NFATC3: variants seen among roughly 807,000 people sequenced by gnomAD.
NFATC3 encodes the protein nuclear factor of activated T-cells, cytoplasmic 3.
Under a neutral mutation model 98.6 loss-of-function variants are expected in NFATC3, and 46 were observed. The observed-to-expected ratio is 0.47, with a 90% CI of 0.37 to 0.60. NFATC3 has a LOEUF of 0.60. Ranked by LOEUF, NFATC3 falls within the 20% of genes least tolerant of loss-of-function variation. The pLI, the probability that NFATC3 is intolerant of heterozygous loss-of-function variation, is 0.00. For missense variants in NFATC3, 1,256 were observed against 1,295.5 expected (o/e 0.97, Z 0.47); for synonymous variants, 512 against 472.2 (o/e 1.08, Z -1.09).
At chr16:68,148,034 G>A (rs541031004) in intron 3 of NFATC3, among the ~76,000 whole-genome samples, 1 of 152,076 alleles carries the variant, frequency 6.6e-6, no homozygotes, top group Non-Finnish European at 1.5e-5. Flanking sequence ...TTTAGAGATG[G>A]AGTTTTGCTC....
chr16:68,137,328 A>G (rs2037476632), intron 3 of NFATC3, among the ~76,000 whole-genome samples: 1 of 152,132 alleles, frequency 6.6e-6, no homozygotes, highest in Non-Finnish European at 1.5e-5. Flanking sequence ...CACACACATT[A>G]GCCCAGGCCT....
chr16:68,121,242 CTTTTTTTTTTTTTT>C (rs753615194), intron 1 of NFATC3, among the ~76,000 whole-genome samples: 1 of 102,392 alleles, frequency 9.8e-6, no homozygotes, highest in African/African-American at 3.9e-5. Context: ...CTTTTCTTTT[CTTTTTTTTTTTTTT>C]TTTTTTTTGA....
At chr16:68,202,879 G>C (rs1291606945) in intron 9 of NFATC3, among the ~76,000 whole-genome samples, 1 of 152,096 alleles carries the variant, frequency 6.6e-6, no homozygotes, top group East Asian at 1.9e-4. Context: ...TACACAGCCA[G>C]TGGTGAGAAT....
intron 8 of NFATC3, among the ~76,000 whole-genome samples, chr16:68,186,241 A>G (rs969600428): frequency 1.3e-5 from 2 of 152,062 alleles, no homozygotes; most frequent in Non-Finnish European, 1.5e-5. Context: ...GACAGGTGGA[A>G]AGACTATATT....
chr16:68,172,234 G>T (rs1357645447), intron 5 of NFATC3, among the ~76,000 whole-genome samples: 1 of 152,170 alleles, frequency 6.6e-6, no homozygotes, highest in Non-Finnish European at 1.5e-5. Flanking sequence ...AAGTACTTGA[G>T]AGCTGTTGTG....
intron 9 of NFATC3, among the ~76,000 whole-genome samples, chr16:68,220,153 T>C (rs1423934803): frequency 1.3e-5 from 2 of 152,224 alleles, no homozygotes; most frequent in Non-Finnish European, 2.9e-5. Flanking sequence ...TCCTGTGACC[T>C]ACATAACCTG....
intron 9 of NFATC3, among the ~76,000 whole-genome samples, chr16:68,211,520 T>C (rs2041393975): frequency 6.7e-6 from 1 of 150,070 alleles, no homozygotes; most frequent in African/African-American, 2.5e-5. Context: ...TTTGTTGTTG[T>C]TGTTGTTGTT....
At chr16:68,138,104 C>G in intron 3 of NFATC3, among the ~76,000 whole-genome samples, 1 of 152,002 alleles carries the variant, frequency 6.6e-6, no homozygotes. Context: ...GCCCACATCT[C>G]AGTTCACTGC....
At chr16:68,169,898 G>A (rs1040452309) in intron 5 of NFATC3, among the ~76,000 whole-genome samples, 1 of 151,806 alleles carries the variant, frequency 6.6e-6, no homozygotes, top group Non-Finnish European at 1.5e-5. Context: ...CTGAGATCAC[G>A]CCATTGCACT....
intron 1 of NFATC3, among the ~76,000 whole-genome samples, chr16:68,088,342 CAT>C (rs1332371824): frequency 2.7e-5 from 4 of 145,974 alleles, no homozygotes; most frequent in Admixed American, 2.1e-4. Flanking sequence ...TAATATATAA[CAT>C]ATATTATATA....
intron 1 of NFATC3, among the ~76,000 whole-genome samples, chr16:68,103,842 C>G (rs918433916): frequency 2.0e-5 from 3 of 152,182 alleles, no homozygotes; most frequent in African/African-American, 7.2e-5. Context: ...TGTAAAAAAT[C>G]AATTGGCCAT....
At chr16:68,162,653 T>A (rs1373700637) in intron 4 of NFATC3, among the ~76,000 whole-genome samples, 1 of 151,990 alleles carries the variant, frequency 6.6e-6, no homozygotes, top group Non-Finnish European at 1.5e-5. Context: ...GGGCAACACT[T>A]CATTCCATAA....
At chr16:68,088,918 T>G (rs2034553291) in intron 1 of NFATC3, 2 of 959,576 alleles carry the variant, frequency 2.1e-6, no homozygotes, top group African/African-American at 3.5e-5. Flanking sequence ...CTGTTCTGGC[T>G]TCCCAAAATG....
chr16:68,209,838 A>AACACACACACAGACAC (rs565991702), intron 9 of NFATC3: 2 of 361,952 alleles, frequency 5.5e-6, no homozygotes, highest in African/African-American at 4.3e-5. Context: ...CCTGCCCCCC[A>AACACACACACAGACAC]ACACACACAC....
intron 3 of NFATC3, among the ~76,000 whole-genome samples, chr16:68,154,638 C>T (rs778763264): frequency 7.2e-5 from 11 of 152,136 alleles, no homozygotes; most frequent in Admixed American, 2.0e-4. Flanking sequence ...CTGACCTTTA[C>T]GTATCTGAAT....
chr16:68,085,762 G>GC lies in NFATC3; in HGVS notation c.86dup (p.Ser31LeufsTer7). On this transcript the variant is annotated frameshift_variant, in exon 1 of 10. Coordinates refer to ENST00000346183, the MANE Select transcript of NFATC3 (RefSeq NM_173165.3). LOFTEE classifies it high-confidence loss of function. The stretch of plus-strand genomic sequence containing the variant: ...GCGAGGACGGGGCGCCGGCGCCGCC[G>GC]CCCCCGGGCTCGCGGCCTGCAGGTG... 1.3e-6 allele frequency: 2 copies of GC among 1,498,052 alleles called. No homozygotes were observed. Among genetic ancestry groups the GC allele is most frequent in the East Asian group, 2.8e-5 (1 of 35,790 alleles). 92.8% of individuals were successfully genotyped at this position (1,498,052 alleles called of 1,614,324 possible). A position where few individuals can be genotyped will look rare whatever the true frequency, so the allele number is the denominator to read the frequency against.
intron 4 of NFATC3, among the ~76,000 whole-genome samples, chr16:68,160,141 T>C (rs2038824006): frequency 6.6e-6 from 1 of 152,128 alleles, no homozygotes; most frequent in African/African-American, 2.4e-5. Context: ...TAAATAAACT[T>C]TTTAGATGAG....
Position 68,122,689 on chromosome 16 carries a change from C to T in NFATC3, c.806C>T (p.Ser269Phe). Residue 269 changes from serine (S) to phenylalanine (F), a missense_variant, in exon 2 of 10, where the codon TCC (serine) becomes TTC (phenylalanine). This residue lies in a region of NFATC3 where 464 missense variants were observed against 465.7 expected (regional missense o/e 1.00). Transcript: ENST00000346183. ...PASGPSSRPT[S>F]PCGKRRHSSA... ...TCAGGACCCTCATCAAGGCCCACAT[C>T]CCCCTGTGGGAAACGGAGGCACTCC... The T allele has an allele frequency of 6.2e-7, 1 of 1,614,190 alleles. No individual in the cohort carries two copies. The highest frequency in any genetic ancestry group is 1.1e-5 in the South Asian group (1 of 91,084).
chr16:68,125,018 A>G (rs987816729), intron 2 of NFATC3, among the ~76,000 whole-genome samples: 1 of 152,254 alleles, frequency 6.6e-6, no homozygotes, highest in African/African-American at 2.4e-5. Flanking sequence ...GGCGTGAGCC[A>G]CTGCGCCCGG....
Sources: gnomAD v4.1 joint callset for allele counts (sites outside exome capture counted in the v4.1 genomes callset) on GRCh38, gnomAD v4.1.1 for gene constraint, gnomAD v4.1.1 regional missense constraint, MANE v1.5 for transcripts, NCBI Gene and HGNC (gene_info 2026-07-23, HGNC 2026-07-21) for gene names.